Variants in ADARB1 observed in about 807,000 individuals in gnomAD.
The protein encoded by ADARB1 is adenosine deaminase RNA specific B1, also known as double-stranded RNA-specific editase 1.
In ADARB1, 10 loss-of-function variants were observed where a neutral mutation model predicts 52.4. That is an observed-to-expected ratio of 0.19 (90% confidence interval 0.12 to 0.32). ADARB1 has a LOEUF of 0.32. Ranked by LOEUF, ADARB1 falls within the 10% of genes least tolerant of loss-of-function variation. The pLI is 1.00. For missense variants in ADARB1, 643 were observed against 922.3 expected (o/e 0.70, Z 3.92); for synonymous variants, 349 against 371.1 (o/e 0.94, Z 0.68).
chr21:45,184,183 A>G (rs981719012), intron 7 of ADARB1, among the ~76,000 whole-genome samples: 3 of 152,342 alleles, frequency 2.0e-5, no homozygotes, highest in East Asian at 3.9e-4. Flanking sequence ...ATGTTTTACC[A>G]TACTTTCCAT....
In ADARB1 at chr21:45,174,707, A is replaced by ATACG. The variant is rs2091623290; in HGVS notation, c.29-1020_29-1019insGTAC. Among the ~76,000 whole-genome samples the ATACG allele has an allele frequency of 6.6e-5, 10 of 152,206 alleles. No individual in the cohort carries two copies. The South Asian group carries it at 2.1e-3, about 32-fold the overall frequency. ...AATACATACATACATACATACATAC[A>ATACG]TACATACATACATACATACATGTAT... On this transcript the variant is annotated intron_variant, in intron 3 of 10. Coordinates refer to ENST00000348831, the MANE Select transcript of ADARB1 (RefSeq NM_001112.4).
At chr21:45,161,054 T>G (rs2090935694) in intron 2 of ADARB1, among the ~76,000 whole-genome samples, 1 of 152,268 alleles carries the variant, frequency 6.6e-6, no homozygotes, top group Non-Finnish European at 1.5e-5. Flanking sequence ...CTGTAGTCAG[T>G]ACCATCTAGT....
At chr21:45,196,990 G>A (rs553335447) in intron 8 of ADARB1, among the ~76,000 whole-genome samples, 38 of 152,142 alleles carry the variant, frequency 2.5e-4, no homozygotes, top group Non-Finnish European at 2.8e-4. Context: ...TCAGGAGTTC[G>A]AAACCAGCCT....
intron 1 of ADARB1, among the ~76,000 whole-genome samples, chr21:45,106,736 A>G (rs2087275620): frequency 6.6e-6 from 1 of 152,238 alleles, no homozygotes; most frequent in South Asian, 2.1e-4. Context: ...TGTTGAGAAC[A>G]AATACGGCTG....
chr21:45,182,053 A>T (rs1363870425), intron 5 of ADARB1, among the ~76,000 whole-genome samples: 5 of 152,222 alleles, frequency 3.3e-5, no homozygotes, highest in Non-Finnish European at 2.9e-5. Flanking sequence ...TGTCTGTGGG[A>T]GTTCACCACT....
chr21:45,192,738 G>A (rs1601880538), intron 8 of ADARB1, among the ~76,000 whole-genome samples: 1 of 152,202 alleles, frequency 6.6e-6, no homozygotes, highest in Non-Finnish European at 1.5e-5. Context: ...TACCAATATC[G>A]GAATGGGAGA....
At chr21:45,092,423 A>G (rs975402657) in intron 1 of ADARB1, among the ~76,000 whole-genome samples, 3 of 152,216 alleles carry the variant, frequency 2.0e-5, no homozygotes, top group African/African-American at 7.2e-5. Flanking sequence ...AACAATTTTT[A>G]TGGAAATATC....
At chr21:45,165,047 AG>A (rs919288671) in intron 2 of ADARB1, among the ~76,000 whole-genome samples, 35 of 152,268 alleles carry the variant, frequency 2.3e-4, no homozygotes, top group African/African-American at 7.9e-4. Flanking sequence ...ACCTTACTTG[AG>A]GCCCCCTGGA....
At chr21:45,180,535 C>A in intron 5 of ADARB1, 91 bp downstream of exon 5, 1 of 1,027,814 alleles carries the variant, frequency 9.7e-7, no homozygotes. Flanking sequence ...CTGTGCCACA[C>A]CGACGGGAGA....
At chr21:45,080,855 TG>T (rs911153856) in intron 1 of ADARB1, among the ~76,000 whole-genome samples, 8 of 152,210 alleles carry the variant, frequency 5.3e-5, no homozygotes, top group Admixed American at 3.9e-4. Context: ...AAGCAGGTAT[TG>T]TTGCTTTGGG....
At chr21:45,132,344 A>T (rs2088999937) in intron 2 of ADARB1, 1 of 152,192 alleles carries the variant, frequency 6.6e-6, no homozygotes, top group Admixed American at 6.5e-5. Flanking sequence ...TTTGTGAGGA[A>T]CTAAGATGGC....
rs190004641 is a variant in ADARB1, at chr21:45,118,321, C to T, written c.-219-10081C>T. Among the ~76,000 whole-genome samples the T allele has an allele frequency of 2.4e-3, 365 of 152,148 alleles. 2 individuals carry two copies. Among genetic ancestry groups the T allele is most frequent in the Non-Finnish European group, 4.0e-3 (272 of 68,010 alleles). On this transcript the variant is annotated intron_variant, in intron 1 of 10. Transcript: ENST00000348831. ...CTGGAGCACCTCCTTAATCCACTTC[C>T]TTATAGAATGGATGGCTGACAGACT...
At chr21:45,207,529 T>G (rs1253041363) in intron 9 of ADARB1, among the ~76,000 whole-genome samples, 1 of 152,144 alleles carries the variant, frequency 6.6e-6, no homozygotes, top group Non-Finnish European at 1.5e-5. Flanking sequence ...GTTGATGTCT[T>G]AATAGATTTG....
intron 2 of ADARB1, among the ~76,000 whole-genome samples, chr21:45,161,899 A>T (rs1216733266): frequency 6.6e-6 from 1 of 152,124 alleles, no homozygotes; most frequent in Admixed American, 6.5e-5. Flanking sequence ...GCTTATGGAG[A>T]ATAGCTGCCC....
rs143645665 is a variant in ADARB1, at chr21:45,080,571, C to T, written c.-220+5778C>T. Among the ~76,000 whole-genome samples, 191 of 152,332 alleles carry T rather than the reference C, an allele frequency of 1.3e-3. 1 individual carries two copies. The highest frequency in any genetic ancestry group is 4.5e-3 in the African/African-American group (187 of 41,584). ...GTCCTAAAAAGTTCGGAATCTCACC[C>T]TAGGACTCAGGATCCAGCTTCTTAC... On this transcript the variant is annotated intron_variant, in intron 1 of 10. Coordinates refer to ENST00000348831, the MANE Select transcript of ADARB1 (RefSeq NM_001112.4).
chr21:45,093,180 C>A (rs1451736368), intron 1 of ADARB1, among the ~76,000 whole-genome samples: 1 of 152,200 alleles, frequency 6.6e-6, no homozygotes, highest in Admixed American at 6.5e-5. Context: ...CTGGACCTCG[C>A]CCCACCGGCA....
chr21:45,127,751 A>G (rs999578438), intron 1 of ADARB1, among the ~76,000 whole-genome samples: 2 of 152,126 alleles, frequency 1.3e-5, no homozygotes, highest in Admixed American at 6.5e-5. Flanking sequence ...GAACTCTGCA[A>G]TGGAGAAACC....
rs962776889 is a variant in ADARB1, at chr21:45,157,013, C to A, written c.-47-14597C>A. On this transcript the variant is annotated intron_variant, in intron 2 of 10. Transcript: ENST00000348831. The surrounding 1 kb of genome is among the most constrained non-coding windows in gnomAD (Gnocchi z 4.1). Reference sequence around the variant, plus strand: ...GGGGCCCAAGTAAGGAAAGTTGAACCCCCAGTGGACAGCAGCGTTATGGAT... The same window carrying A: ...GGGGCCCAAGTAAGGAAAGTTGAACACCCAGTGGACAGCAGCGTTATGGAT... Among the ~76,000 whole-genome samples, 3 of 152,216 alleles carry A rather than the reference C, an allele frequency of 2.0e-5. No homozygotes were observed. Among genetic ancestry groups the A allele is most frequent in the African/African-American group, 7.2e-5 (3 of 41,448 alleles).
In ADARB1 at chr21:45,200,837, T is replaced by C. The variant is rs562146228; in HGVS notation, c.1566-3718T>C. On this transcript the variant is annotated intron_variant, in intron 8 of 10. Coordinates refer to ENST00000348831, the MANE Select transcript of ADARB1 (RefSeq NM_001112.4). The surrounding 1 kb of genome is among the most constrained non-coding windows in gnomAD (Gnocchi z 5.0). ...GTCAGAGTAGTTCTCCTGCCCTGTG[T>C]GGTCTGGCCGACGTCTGTCTGCAGC... 3.3e-5 allele frequency among the ~76,000 whole-genome samples: 5 copies of C among 152,282 alleles called. No homozygotes were observed. The highest frequency in any genetic ancestry group is 9.6e-5 in the African/African-American group (4 of 41,546).
Sources: gnomAD v4.1 joint callset for allele counts (sites outside exome capture counted in the v4.1 genomes callset) on GRCh38, gnomAD v4.1.1 for gene constraint, Gnocchi (gnomAD v3.1) non-coding constraint, MANE v1.5 for transcripts, NCBI Gene and HGNC (gene_info 2026-07-23, HGNC 2026-07-21) for gene names.